Variants in PHF20 observed in about 807,000 individuals in gnomAD.
The protein encoded by PHF20 is PHD finger protein 20, also known as glioma-expressed antigen 2.
A neutral mutation model predicts 113.5 loss-of-function variants in PHF20; 23 were observed. That is an observed-to-expected ratio of 0.20 (90% CI 0.15 to 0.29). The LOEUF (loss-of-function observed/expected upper bound fraction) is 0.29. Among genes scored for constraint, PHF20 ranks in the 10% least tolerant of loss-of-function variants. The pLI is 1.00. For missense variants in PHF20, 943 were observed against 1,219.6 expected (o/e 0.77, Z 3.38); for synonymous variants, 434 against 457.3 (o/e 0.95, Z 0.65).
At chr20:35,794,441 T>C (rs1441237557) in intron 1 of PHF20, among the ~76,000 whole-genome samples, 6 of 152,138 alleles carry the variant, frequency 3.9e-5, no homozygotes, top group African/African-American at 1.4e-4. Flanking sequence ...CACAGCAGGC[T>C]CTCAATGAAT....
intron 2 of PHF20, among the ~76,000 whole-genome samples, chr20:35,831,899 T>G (rs951657252): frequency 1.3e-5 from 2 of 152,134 alleles, no homozygotes; most frequent in Non-Finnish European, 2.9e-5. Flanking sequence ...AATATAATAT[T>G]CTTCATCCCT....
chr20:35,846,530 G>A lies in PHF20; in HGVS notation c.256-820G>A, dbSNP rs2042627341. ...AGAGTATAAAATATTAAAGGTGAAT[G>A]GTTGCTTTCCCTGGCAAAAGACCCT... On this transcript the variant is annotated intron_variant, in intron 3 of 17. Transcript: ENST00000374012. Among the ~76,000 whole-genome samples, 3 of 152,178 alleles carry A rather than the reference G, an allele frequency of 2.0e-5. No homozygotes were observed. The South Asian group carries it at 6.2e-4, about 32-fold the overall frequency.
chr20:35,943,009 G>C (rs1254842406), intron 17 of PHF20, among the ~76,000 whole-genome samples: 1 of 152,060 alleles, frequency 6.6e-6, no homozygotes, highest in Non-Finnish European at 1.5e-5. Flanking sequence ...ATTTTTAGTA[G>C]AGACAGGGTT....
chr20:35,877,646 T>A (rs371965136), intron 9 of PHF20, among the ~76,000 whole-genome samples: 1 of 151,706 alleles, frequency 6.6e-6, no homozygotes, highest in African/African-American at 2.4e-5. Flanking sequence ...GGTATGATCT[T>A]AGGTCACTGC....
intron 1 of PHF20, among the ~76,000 whole-genome samples, chr20:35,783,615 G>A (rs1392035063): frequency 1.3e-5 from 2 of 150,730 alleles, no homozygotes; most frequent in African/African-American, 4.9e-5. Flanking sequence ...TTATAGAGAC[G>A]AGGTCTTGCT....
At chr20:35,931,954 A>C (rs549411593) in intron 15 of PHF20, among the ~76,000 whole-genome samples, 396 of 152,130 alleles carry the variant, frequency 2.6e-3, no homozygotes, top group Non-Finnish European at 4.7e-3. Context: ...TCCGTCTCAA[A>C]AAAAAAAAGA....
intron 2 of PHF20, among the ~76,000 whole-genome samples, chr20:35,806,744 T>C (rs2041887644): frequency 2.0e-5 from 3 of 151,952 alleles, no homozygotes; most frequent in African/African-American, 7.2e-5. Flanking sequence ...TCTTGATATC[T>C]GGTAAGACAG....
chr20:35,933,689 G>T (rs1387137171), intron 15 of PHF20, among the ~76,000 whole-genome samples: 1 of 152,102 alleles, frequency 6.6e-6, no homozygotes, highest in Admixed American at 6.6e-5. Context: ...GAGCCACTGC[G>T]CCTGGCCTAA....
chr20:35,925,162 G>A (rs1186410849), intron 13 of PHF20, among the ~76,000 whole-genome samples: 1 of 151,156 alleles, frequency 6.6e-6, no homozygotes, highest in Non-Finnish European at 1.5e-5. Context: ...GGTATGGCTA[G>A]TGTCTCCATA....
chr20:35,791,481 CTATCTATCTATCTAT>C, intron 1 of PHF20, among the ~76,000 whole-genome samples: 1 of 143,792 alleles, frequency 7.0e-6, no homozygotes, highest in Non-Finnish European at 1.5e-5. Context: ...ATCTATCTAT[CTATCTATCTATCTAT>C]CTATCTTAGA....
At chr20:35,777,570 C>CTT (rs2041200190) in intron 1 of PHF20, among the ~76,000 whole-genome samples, 1 of 152,232 alleles carries the variant, frequency 6.6e-6, no homozygotes, top group African/African-American at 2.4e-5. Flanking sequence ...AATCCCAACA[C>CTT]TTTGGGAGGC....
In PHF20 at chr20:35,877,229, G is replaced by A. The variant is rs879007764; in HGVS notation, c.1282+5400G>A. 3.7e-5 allele frequency among the ~76,000 whole-genome samples: 5 copies of A among 136,102 alleles called. 1 individual carries two copies. The Admixed American group carries it at 4.0e-4, about 11-fold the overall frequency. 89.3% of individuals were successfully genotyped at this position (136,102 alleles called of 152,430 possible). ...TGCTTGAACCTGGGAGGAAGAGGTT[G>A]CAGTTTGCCGAGATCGTGCCACTGC... On this transcript the variant is annotated intron_variant, in intron 9 of 17. Coordinates refer to ENST00000374012, the MANE Select transcript of PHF20 (RefSeq NM_016436.5).
At chr20:35,850,361 T>C (rs2042702706) in intron 4 of PHF20, among the ~76,000 whole-genome samples, 2 of 133,126 alleles carry the variant, frequency 1.5e-5, no homozygotes, top group African/African-American at 5.6e-5. Flanking sequence ...CAGGCTGGAG[T>C]GCAGTGGCAC....
rs750715985 is a variant in PHF20 at position 35,913,296 on chromosome 20, G to A, written c.1609G>A (p.Val537Met). 4 of 1,604,230 alleles carry A rather than the reference G, an allele frequency of 2.5e-6. No individual in the cohort carries two copies. The highest frequency in any genetic ancestry group is 3.4e-6 in the Non-Finnish European group (4 of 1,175,280). The part of the protein sequence containing the change: ...KNKEKKFKEF[V>M]RVKPKKKKKK... ...TAAAGAGAAGAAATTCAAGGAGTTT[G>A]TGAGAGTGAAGCCAAAGAAGAAAAA... is the stretch of plus-strand genomic sequence containing the variant. Residue 537 changes from valine (V) to methionine (M), a missense_variant, in exon 11 of 18, where the codon GTG (valine) becomes ATG (methionine). By Grantham distance (21) the Val-to-Met change is conservative. This residue lies in a region of PHF20 where 592 missense variants were observed against 787.2 expected (regional missense o/e 0.75). Transcript: ENST00000374012.
intron 2 of PHF20, among the ~76,000 whole-genome samples, chr20:35,808,379 A>G (rs1403455949): frequency 6.6e-6 from 1 of 151,912 alleles, no homozygotes; most frequent in African/African-American, 2.4e-5. Context: ...CGCATCCGAG[A>G]GTTCACCATT....
At chr20:35,790,598 G>A (rs1274215643) in intron 1 of PHF20, among the ~76,000 whole-genome samples, 1 of 152,206 alleles carries the variant, frequency 6.6e-6, no homozygotes, top group Admixed American at 6.6e-5. Flanking sequence ...GAAGCTCAGA[G>A]AGGAAATGAC....
intron 14 of PHF20, among the ~76,000 whole-genome samples, chr20:35,929,418 G>A: frequency 6.6e-6 from 1 of 152,228 alleles, no homozygotes. Context: ...TTTGACAGGT[G>A]AACAAACACA....
At chr20:35,939,970 G>A (rs150590756) in intron 16 of PHF20, among the ~76,000 whole-genome samples, 272 of 152,318 alleles carry the variant, frequency 1.8e-3, no homozygotes, top group African/African-American at 6.2e-3. Context: ...TGAGACAGAC[G>A]CAGTTTCAAT....
At chr20:35,785,798 C>T (rs565214928) in intron 1 of PHF20, among the ~76,000 whole-genome samples, 23 of 151,578 alleles carry the variant, frequency 1.5e-4, no homozygotes, top group African/African-American at 5.6e-4. Flanking sequence ...TGTGGTGGCT[C>T]ACGCTTGTAA....
Sources: gnomAD v4.1 joint callset for allele counts (sites outside exome capture counted in the v4.1 genomes callset) on GRCh38, gnomAD v4.1.1 for gene constraint, gnomAD v4.1.1 regional missense constraint, MANE v1.5 for transcripts, NCBI Gene and HGNC (gene_info 2026-07-23, HGNC 2026-07-21) for gene names.